The following ITCH variants were observed in gnomAD, a reference collection of about 807,000 sequenced individuals.
The protein encoded by ITCH is itchy E3 ubiquitin protein ligase, also known as E3 ubiquitin-protein ligase Itchy homolog.
Under a neutral mutation model 126.8 loss-of-function variants are expected in ITCH, and 28 were observed. The ratio of observed to expected loss-of-function variants is 0.22; its 90% CI spans 0.16 to 0.30. The LOEUF is 0.30. ITCH is among the 10% of genes least tolerant of loss of function. ITCH has a pLI of 1.00. For missense variants in ITCH, 631 were observed against 1,032.4 expected (o/e 0.61, Z 5.33); for synonymous variants, 342 against 340.0 (o/e 1.01, Z -0.06).
intron 4 of ITCH, 89 bp from the exon 5 acceptor site, chr20:34,412,426 T>A: frequency 1.9e-6 from 2 of 1,034,068 alleles, no homozygotes; most frequent in South Asian, 2.7e-5. Flanking sequence ...GAGAAGACTT[T>A]AGACTTTAAA....
chr20:34,490,908 A>G (rs1356437203), intron 22 of ITCH, among the ~76,000 whole-genome samples: 1 of 152,228 alleles, frequency 6.6e-6, no homozygotes, highest in Non-Finnish European at 1.5e-5. Context: ...ATTTACCGAC[A>G]CAAAATGTGG....
chr20:34,406,047 A>C lies in ITCH; in HGVS notation c.71-2604A>C, dbSNP rs141100271. On this transcript the variant is annotated intron_variant, in intron 3 of 24. Coordinates refer to ENST00000374864, the MANE Select transcript of ITCH (RefSeq NM_031483.7). ...CAATTTTTTTTTTTTTTTAAAAGACAGTTTTGCTCTGTTGCCCAGGCTGGA... is the reference window on the plus strand; with the variant it reads ...CAATTTTTTTTTTTTTTTAAAAGACCGTTTTGCTCTGTTGCCCAGGCTGGA... Among the ~76,000 whole-genome samples, 1,227 of 150,068 alleles carry C rather than the reference A, an allele frequency of 8.2e-3. 16 individuals carry two copies. Among genetic ancestry groups the C allele is most frequent in the African/African-American group, 0.029 (1,168 of 40,626 alleles).
chr20:34,384,819 C>T (rs1349665060), intron 2 of ITCH, among the ~76,000 whole-genome samples: 1 of 151,296 alleles, frequency 6.6e-6, no homozygotes, highest in Non-Finnish European at 1.5e-5. Context: ...CGCCACCACA[C>T]CTGGCTAATT....
At chr20:34,441,591 A>ATTTGTTT (rs1555874792) in intron 9 of ITCH, 1 of 137,664 alleles carries the variant, frequency 7.3e-6, no homozygotes, top group Non-Finnish European at 1.5e-5. Flanking sequence ...TGCCCAGCTA[A>ATTTGTTT]TTTTTTTTTT....
intron 2 of ITCH, among the ~76,000 whole-genome samples, chr20:34,375,122 A>G (rs1174773856): frequency 7.0e-6 from 1 of 142,412 alleles, no homozygotes; most frequent in Non-Finnish European, 1.5e-5. Flanking sequence ...GCTTACCATA[A>G]CCTCCGCTTT....
chr20:34,418,748 C>CT (rs1190275968), intron 6 of ITCH, among the ~76,000 whole-genome samples: 2 of 127,032 alleles, frequency 1.6e-5, no homozygotes, highest in Non-Finnish European at 1.6e-5. Flanking sequence ...CTTTCTTTTT[C>CT]TTTTTTTCCT....
chr20:34,489,718 T>C, intron 21 of ITCH, 104 bp from the exon 22 acceptor site: 2 of 830,048 alleles, frequency 2.4e-6, no homozygotes, highest in Non-Finnish European at 4.2e-6. Context: ...AGTCAAAGCC[T>C]ACTGATTGTT....
Position 34,488,764 on chromosome 20 carries a change from A to G in ITCH, c.2094-502A>G, listed in dbSNP as rs138326416. ...AAAAAAGAAATTATATGGCTTGGCA[A>G]TGGTGGCACACGCTTGTAATCGTAG... On this transcript the variant is annotated intron_variant, in intron 20 of 24. Coordinates refer to ENST00000374864, the MANE Select transcript of ITCH (RefSeq NM_031483.7). 4.0e-3 allele frequency among the ~76,000 whole-genome samples: 604 copies of G among 152,298 alleles called. 4 individuals carry two copies. Among genetic ancestry groups the G allele is most frequent in the African/African-American group, 0.013 (558 of 41,572 alleles).
At chr20:34,407,629 A>G (rs1175296278) in intron 3 of ITCH, among the ~76,000 whole-genome samples, 2 of 151,900 alleles carry the variant, frequency 1.3e-5, no homozygotes, top group African/African-American at 4.8e-5. Flanking sequence ...TTCATTTACC[A>G]TTCCTTCCTG....
chr20:34,387,894 A>G (rs2038346136), intron 2 of ITCH, among the ~76,000 whole-genome samples: 1 of 151,802 alleles, frequency 6.6e-6, no homozygotes, highest in Non-Finnish European at 1.5e-5. Flanking sequence ...TAGTGGAGAT[A>G]GGGTTTCACC....
chr20:34,510,812 G>A lies in ITCH; in HGVS notation c.*3018G>A, dbSNP rs1028003049. 3 of 151,936 alleles carry A rather than the reference G, an allele frequency of 2.0e-5. No homozygotes were observed. Among genetic ancestry groups the A allele is most frequent in the Non-Finnish European group, 4.4e-5 (3 of 67,988 alleles). The allele number at this position is 151,936 out of a possible 1,614,324, so 9.4% of individuals were successfully genotyped here. On this transcript the variant is annotated 3_prime_UTR_variant, in exon 25 of 25. Transcript: ENST00000374864. ...TGCCTGGGCAACATAGCAAGACCCT[G>A]TCTCTTAAAAAAACAAAAAGACATA...
chr20:34,477,462 G>A (rs1988338193), intron 16 of ITCH, among the ~76,000 whole-genome samples: 1 of 152,208 alleles, frequency 6.6e-6, no homozygotes, highest in African/African-American at 2.4e-5. Flanking sequence ...CCTGGGAGGT[G>A]GAGGTGTGGT....
chr20:34,440,548 CT>C (rs1443220792), intron 9 of ITCH, among the ~76,000 whole-genome samples: 1 of 152,030 alleles, frequency 6.6e-6, no homozygotes, highest in Non-Finnish European at 1.5e-5. Flanking sequence ...CCTCCGCCCC[CT>C]GGGTTCAAGT....
chr20:34,493,262 A>T (rs1989641171), intron 23 of ITCH, among the ~76,000 whole-genome samples: 1 of 152,202 alleles, frequency 6.6e-6, no homozygotes, highest in Admixed American at 6.5e-5. Flanking sequence ...ATTAGAACTA[A>T]GCAGGTAATT....
chr20:34,461,207 T>C (rs1382315412), intron 13 of ITCH, among the ~76,000 whole-genome samples: 1 of 152,138 alleles, frequency 6.6e-6, no homozygotes, highest in African/African-American at 2.4e-5. Flanking sequence ...AAGGGAACAT[T>C]GAGGCCAGCG....
At position 34,477,731 on chromosome 20, in the gene ITCH, A is replaced by G. The variant is rs371442075; in HGVS notation, c.1570-41A>G. On this transcript the variant is annotated intron_variant, in intron 16 of 24. Transcript: ENST00000374864. ...CCTAGAAGTGGTAGACAGTGTTTCA[A>G]TAGCTTTTTTCACCAATTATTTTAC... 1.8e-5 allele frequency: 28 copies of G among 1,592,190 alleles called. No individual in the cohort carries two copies. The African/African-American group carries it at 2.7e-4, about 15-fold the overall frequency.
At chr20:34,423,776 G>T (rs1289757714) in intron 6 of ITCH, among the ~76,000 whole-genome samples, 1 of 152,030 alleles carries the variant, frequency 6.6e-6, no homozygotes, top group Non-Finnish European at 1.5e-5. Flanking sequence ...GCTAATTTTT[G>T]TATTTTTAGT....
rs1253034473 is a variant in ITCH, at chr20:34,453,721, C to T, written c.1211-3669C>T. 7.2e-5 allele frequency among the ~76,000 whole-genome samples: 11 copies of T among 152,058 alleles called. No homozygotes were observed. The East Asian group carries it at 1.5e-3, about 21-fold the overall frequency. On this transcript the variant is annotated intron_variant, in intron 12 of 24. Transcript: ENST00000374864. Reference sequence around the variant, plus strand: ...CAAGAAAGAGAATTCTGGCTGGGTACGGTGGCTCATGCCTGTAATTCCAGC... The same window carrying T: ...CAAGAAAGAGAATTCTGGCTGGGTATGGTGGCTCATGCCTGTAATTCCAGC...
chr20:34,368,456 T>G (rs913901923), intron 1 of ITCH, among the ~76,000 whole-genome samples: 1 of 152,046 alleles, frequency 6.6e-6, no homozygotes, highest in Non-Finnish European at 1.5e-5. Context: ...TTAGCCAAAT[T>G]CTGGGCTCAT....
Sources: gnomAD v4.1 joint callset for allele counts (sites outside exome capture counted in the v4.1 genomes callset) on GRCh38, gnomAD v4.1.1 for gene constraint, MANE v1.5 for transcripts, NCBI Gene and HGNC (gene_info 2026-07-23, HGNC 2026-07-21) for gene names.